Variants in EPHB1 observed in about 807,000 individuals in gnomAD.
EPHB1 encodes the protein ephrin type-B receptor 1.
EPHB1 carries 30 observed loss-of-function variants against 94.4 expected under a neutral mutation model. The ratio of observed to expected loss-of-function variants is 0.32; its 90% CI spans 0.24 to 0.43. The LOEUF (loss-of-function observed/expected upper bound fraction) is 0.43. Ranked by LOEUF, EPHB1 falls within the 20% of genes least tolerant of loss-of-function variation. The pLI is 1.00. For missense variants in EPHB1, 1,055 were observed against 1,308.3 expected (o/e 0.81, Z 2.99); for synonymous variants, 522 against 489.1 (o/e 1.07, Z -0.89).
At chr3:135,036,146 A>G (rs1936639256) in intron 3 of EPHB1, among the ~76,000 whole-genome samples, 1 of 152,202 alleles carries the variant, frequency 6.6e-6, no homozygotes, top group East Asian at 1.9e-4. Flanking sequence ...TTCTGACCCC[A>G]GGAGCCTATG....
intron 3 of EPHB1, among the ~76,000 whole-genome samples, chr3:135,006,947 G>A (rs1389238323): frequency 6.6e-6 from 1 of 152,118 alleles, no homozygotes; most frequent in African/African-American, 2.4e-5. Context: ...TACCCTTGTA[G>A]ATTTAACTTG....
At chr3:134,928,721 C>A (rs1358957971) in intron 2 of EPHB1, among the ~76,000 whole-genome samples, 1 of 152,150 alleles carries the variant, frequency 6.6e-6, no homozygotes, top group Non-Finnish European at 1.5e-5. Flanking sequence ...AGATGGGAGC[C>A]TGGGGCATGG....
chr3:134,822,057 G>C (rs576586823), intron 1 of EPHB1, among the ~76,000 whole-genome samples: 4 of 152,322 alleles, frequency 2.6e-5, no homozygotes, highest in Admixed American at 2.6e-4. Flanking sequence ...TGTGCTGCCT[G>C]AGATGAGTAT....
At chr3:134,836,177 C>T (rs2036671175) in intron 1 of EPHB1, among the ~76,000 whole-genome samples, 2 of 152,212 alleles carry the variant, frequency 1.3e-5, no homozygotes, top group East Asian at 1.9e-4. Context: ...AGTGGACACA[C>T]TGAGCATCCC....
At chr3:135,247,018 C>T (rs1296126806) in intron 13 of EPHB1, among the ~76,000 whole-genome samples, 1 of 152,108 alleles carries the variant, frequency 6.6e-6, no homozygotes, top group Non-Finnish European at 1.5e-5. Context: ...AAATGAATCT[C>T]ATTATTTTTT....
chr3:135,032,063 T>C (rs910024738), intron 3 of EPHB1, among the ~76,000 whole-genome samples: 4 of 152,070 alleles, frequency 2.6e-5, no homozygotes, highest in Non-Finnish European at 5.9e-5. Context: ...AAATTTCATG[T>C]TTCTTCTTTT....
intron 1 of EPHB1, among the ~76,000 whole-genome samples, chr3:134,867,437 A>T (rs1239629088): frequency 6.6e-6 from 1 of 152,112 alleles, no homozygotes; most frequent in Non-Finnish European, 1.5e-5. Flanking sequence ...TGCTGGGCAG[A>T]TGGAGTGGAG....
At chr3:134,906,787 G>T (rs2038341713) in intron 1 of EPHB1, among the ~76,000 whole-genome samples, 1 of 152,324 alleles carries the variant, frequency 6.6e-6, no homozygotes, top group East Asian at 1.9e-4. Flanking sequence ...GTGCTCCTGG[G>T]TTGGGCTGGA....
At chr3:134,967,949 T>C (rs559709237) in intron 3 of EPHB1, among the ~76,000 whole-genome samples, 41 of 152,324 alleles carry the variant, frequency 2.7e-4, no homozygotes, top group Admixed American at 5.9e-4. Flanking sequence ...CACAGGTGTG[T>C]TTCCCTGAAC....
intron 1 of EPHB1, among the ~76,000 whole-genome samples, chr3:134,896,499 T>C (rs765689718): frequency 9.9e-5 from 15 of 152,230 alleles, no homozygotes; most frequent in Non-Finnish European, 2.1e-4. Context: ...TTACTGTTAT[T>C]ATTCAGACAG....
intron 5 of EPHB1, among the ~76,000 whole-genome samples, chr3:135,136,576 A>C (rs1940627578): frequency 6.6e-6 from 1 of 152,230 alleles, no homozygotes; most frequent in Admixed American, 6.5e-5. Flanking sequence ...TCTCACAGCC[A>C]ACAAAGGATT....
At chr3:135,192,031 T>A (rs1420171800) in intron 10 of EPHB1, among the ~76,000 whole-genome samples, 1 of 152,238 alleles carries the variant, frequency 6.6e-6, no homozygotes, top group Non-Finnish European at 1.5e-5. Flanking sequence ...CCTCTCACTT[T>A]TGTCTTTCAC....
chr3:134,801,463 G>A (rs2035933911), intron 1 of EPHB1, among the ~76,000 whole-genome samples: 1 of 152,168 alleles, frequency 6.6e-6, no homozygotes, highest in South Asian at 2.1e-4. Context: ...ATTGACTGTC[G>A]AGAGCGTGTT....
At chr3:135,051,705 T>C (rs1225935078) in intron 3 of EPHB1, among the ~76,000 whole-genome samples, 1 of 152,226 alleles carries the variant, frequency 6.6e-6, no homozygotes, top group Non-Finnish European at 1.5e-5. Context: ...GCATTAAGTA[T>C]TGCTATTTAT....
intron 1 of EPHB1, among the ~76,000 whole-genome samples, chr3:134,882,758 C>CTTTCT (rs60859294): frequency 0.48 from 50,756 of 106,440 alleles, 11,306 homozygotes; most frequent in South Asian, 0.52. Context: ...TCCTTTCTTC[C>CTTTCT]TTCCTTCCTT....
intron 3 of EPHB1, among the ~76,000 whole-genome samples, chr3:135,075,287 G>A (rs1271267596): frequency 6.6e-6 from 1 of 152,096 alleles, no homozygotes; most frequent in Non-Finnish European, 1.5e-5. Flanking sequence ...GACATCTAGA[G>A]TGCCAGAGTC....
At position 134,795,612 on chromosome 3, in the gene EPHB1, C is replaced by T; in HGVS notation, c.-20C>T. 4.4e-6 allele frequency: 7 copies of T among 1,603,698 alleles called. No homozygotes were observed. Among genetic ancestry groups the T allele is most frequent in the Non-Finnish European group, 5.1e-6 (6 of 1,176,220 alleles). ...GCTGCTGCCTCGGCTTGGTCTCGGCCTGCGGGCCGTCGGCCGGCGATGGCC... is the reference window on the plus strand; with the variant it reads ...GCTGCTGCCTCGGCTTGGTCTCGGCTTGCGGGCCGTCGGCCGGCGATGGCC... On this transcript the variant is annotated 5_prime_UTR_variant, in exon 1 of 16. Transcript: ENST00000398015.
At chr3:134,986,941 T>G (rs1390748258) in intron 3 of EPHB1, among the ~76,000 whole-genome samples, 1 of 152,188 alleles carries the variant, frequency 6.6e-6, no homozygotes, top group East Asian at 1.9e-4. Flanking sequence ...CCCTTTTGTG[T>G]TAATAGAGTC....
chr3:135,179,618 C>T (rs995991260), intron 9 of EPHB1, among the ~76,000 whole-genome samples: 2 of 152,040 alleles, frequency 1.3e-5, no homozygotes, highest in African/African-American at 4.8e-5. Context: ...CACATTTCAC[C>T]AAGAGCTCAA....
Sources: allele counts gnomAD v4.1 joint callset (sites outside exome capture counted in the v4.1 genomes callset), GRCh38; gene constraint gnomAD v4.1.1; transcripts MANE v1.5; gene names NCBI Gene and HGNC (gene_info 2026-07-23, HGNC 2026-07-21).